The following FGFR1 variants were observed in gnomAD, a reference collection of about 807,000 sequenced individuals.
The protein encoded by FGFR1 is FGFR1/PLAG1 fusion.
In FGFR1, 18 loss-of-function variants were observed where a neutral mutation model predicts 93.7. The observed-to-expected ratio is 0.19, with a 90% CI of 0.13 to 0.28. The LOEUF is 0.28. Among genes scored for constraint, FGFR1 ranks in the 10% least tolerant of loss-of-function variants. The pLI, the probability that FGFR1 is intolerant of heterozygous loss-of-function variation, is 1.00. For synonymous variants in FGFR1, 448 were observed against 429.3 expected (o/e 1.04, Z -0.54); for missense variants, 731 against 1,080.4 (o/e 0.68, Z 4.53).
chr8:38,440,970 T>C (rs2070483366), intron 2 of FGFR1, among the ~76,000 whole-genome samples: 1 of 152,152 alleles, frequency 6.6e-6, no homozygotes, highest in Admixed American at 6.5e-5. Context: ...AAAAAAGATT[T>C]CGGCCTTTTG....
At chr8:38,433,708 G>A (rs989335505) in intron 2 of FGFR1, among the ~76,000 whole-genome samples, 3 of 152,120 alleles carry the variant, frequency 2.0e-5, no homozygotes, top group Admixed American at 1.3e-4. Context: ...AACAGTTACC[G>A]CCTGAATCAC....
At chr8:38,440,551 C>G (rs948674464) in intron 2 of FGFR1, among the ~76,000 whole-genome samples, 1 of 151,042 alleles carries the variant, frequency 6.6e-6, no homozygotes, top group Non-Finnish European at 1.5e-5. Context: ...ACCAGCCCCC[C>G]GACCCAGGGG....
At position 38,457,508 on chromosome 8, in the gene FGFR1, A is replaced by G. The variant is rs2151351888; in HGVS notation, c.-62T>C. On this transcript the variant is annotated 5_prime_UTR_variant, in exon 2 of 18. Coordinates refer to ENST00000447712, the MANE Select transcript of FGFR1 (RefSeq NM_023110.3). ...ACATCTCCATGGATACTCCACAGTG[A>G]GCTCGATCCTCCTTTTCAAACTGAC... 6.2e-7 allele frequency: 1 copy of G among 1,607,926 alleles called. No homozygotes were observed. Among genetic ancestry groups the G allele is most frequent in the South Asian group, 1.1e-5 (1 of 90,262 alleles).
intron 9 of FGFR1, among the ~76,000 whole-genome samples, chr8:38,418,985 G>A (rs373342643): frequency 4.7e-4 from 72 of 152,288 alleles, no homozygotes; most frequent in African/African-American, 1.7e-3. Flanking sequence ...TAAATCTCAC[G>A]AGATCTGATG....
In FGFR1 at chr8:38,417,239, G is replaced by T. The variant is rs568286947; in HGVS notation, c.1663+67C>A. ...CCTAGCTGTGGCTGAGAGAGGCCTT[G>T]GGACTGATACCCCAGCTCAGATCTT... is the stretch of plus-strand genomic sequence containing the variant. On this transcript the variant is annotated intron_variant, in intron 12 of 17. Transcript: ENST00000447712. The T allele has an allele frequency of 3.2e-6, 4 of 1,265,542 alleles. No individual in the cohort carries two copies. In the East Asian group the frequency reaches 6.9e-5, roughly 22 times the overall value. The allele number at this position is 1,265,542 out of a possible 1,614,324, so 78.4% of individuals were successfully genotyped here.
At position 38,428,394 on chromosome 8, in the gene FGFR1, A is replaced by C. The variant is rs1181137021; in HGVS notation, c.400T>G (p.Ser134Ala). The stretch of plus-strand genomic sequence containing the variant: ...TCTGTTTCTTTCTCCTCTGAAGAGG[A>C]GTCATCATCATCATCATCATCCTCC... ...SSEDDDDDDD[S>A]SSEEKETDNT... Residue 134 changes from serine (S) to alanine (A), a missense_variant, in exon 4 of 18, where the codon TCC becomes GCC. Around this residue, in one of 10 missense-constraint regions of FGFR1, gnomAD observed 212 missense variants for 205.8 expected, o/e 1.03. Transcript: ENST00000447712. 16 of 1,613,934 alleles carry C rather than the reference A, an allele frequency of 9.9e-6. No homozygotes were observed. In the East Asian group the frequency reaches 1.6e-4, roughly 16 times the overall value.
At position 38,416,013 on chromosome 8, in the gene FGFR1, C is replaced by T. The variant is rs771720144; in HGVS notation, c.1711G>A (p.Glu571Lys). 12 of 1,613,738 alleles carry T rather than the reference C, an allele frequency of 7.4e-6. No homozygotes were observed. The highest frequency in any genetic ancestry group is 1.0e-5 in the Non-Finnish European group (12 of 1,180,020). Reference protein sequence around the residue: ...VEYASKGNLREYLQARRPPGL... With the variant: ...VEYASKGNLRKYLQARRPPGL... The stretch of plus-strand genomic sequence containing the variant: ...GGGGGCCTCCGGGCCTGCAGGTACT[C>T]CCGCAGGTTGCCCTTGGAGGCATAC... The change falls in exon 13 of 18, where the codon GAG becomes AAG. Residue 571 changes from glutamate to lysine, a missense_variant. Glu to Lys is a moderately conservative substitution (Grantham distance 56). This residue lies in a region of FGFR1 where 62 missense variants were observed against 99.5 expected (regional missense o/e 0.62). Coordinates refer to ENST00000447712, the MANE Select transcript of FGFR1 (RefSeq NM_023110.3).
intron 1 of FGFR1, among the ~76,000 whole-genome samples, chr8:38,459,933 C>A (rs187608366): frequency 6.6e-6 from 1 of 152,092 alleles, no homozygotes; most frequent in Non-Finnish European, 1.5e-5. Flanking sequence ...CCTACAATCC[C>A]GGGACTTTGG....
intron 8 of FGFR1, 84 bp downstream of exon 8, chr8:38,421,713 G>A (rs937450906): frequency 6.9e-7 from 1 of 1,443,510 alleles, no homozygotes; most frequent in Non-Finnish European, 9.8e-7. Context: ...TCCTGCCTCT[G>A]TGTCTCCCCA....
chr8:38,415,766 G>C, intron 13 of FGFR1, 104 bp downstream of exon 13: 1 of 1,135,978 alleles, frequency 8.8e-7, no homozygotes, highest in Non-Finnish European at 1.3e-6. Context: ...CCAGTGCTCA[G>C]TGCATCCACA....
intron 2 of FGFR1, among the ~76,000 whole-genome samples, chr8:38,438,166 T>C (rs1203398637): frequency 6.6e-6 from 1 of 152,316 alleles, no homozygotes; most frequent in East Asian, 1.9e-4. Context: ...TTCTATCCTA[T>C]GGATGCGGAG....
intron 1 of FGFR1, chr8:38,463,512 G>A (rs550506877): frequency 3.6e-5 from 8 of 221,052 alleles, no homozygotes; most frequent in South Asian, 1.8e-4. Flanking sequence ...CTTCAGAACA[G>A]GGTCTGTGCC....
Position 38,428,051 on chromosome 8 carries a change from T to C in FGFR1, c.491A>G (p.Lys164Arg). ...YWTSPEKMEK[K>R]LHAVPAAKTV... ...CTTGGCAGCCGGCACTGCATGCAAT[T>C]TCTTTTCCATCTTTTCTGGGGATGT... Residue 164 changes from lysine (K) to arginine (R), a missense_variant, in exon 5 of 18, where the codon AAA becomes AGA. Lys to Arg is a conservative substitution (Grantham distance 26, BLOSUM62 2). Around this residue, in one of 10 missense-constraint regions of FGFR1, gnomAD observed 109 missense variants for 249.4 expected, o/e 0.44. Coordinates refer to ENST00000447712, the MANE Select transcript of FGFR1 (RefSeq NM_023110.3). 6.2e-7 allele frequency: 1 copy of C among 1,614,274 alleles called. No homozygotes were observed. Among genetic ancestry groups the C allele is most frequent in the South Asian group, 1.1e-5 (1 of 91,090 alleles).
In FGFR1 at chr8:38,419,779, G is replaced by A. The variant is rs191080750; in HGVS notation, c.1082-44C>T. 3,062 of 1,548,912 alleles carry A rather than the reference G, an allele frequency of 2.0e-3. 6 individuals carry two copies. Among genetic ancestry groups the A allele is most frequent in the Non-Finnish European group, 2.2e-3 (2,447 of 1,124,904 alleles). On this transcript the variant is annotated intron_variant, in intron 8 of 17. Coordinates refer to ENST00000447712, the MANE Select transcript of FGFR1 (RefSeq NM_023110.3). ...GGTGTTAGCAGGCTTGGAGGGCCCC[G>A]TCCATGCGAGGTCCCGCTCCATTAG...
intron 2 of FGFR1, chr8:38,435,730 A>G (rs1393880642): frequency 6.6e-6 from 1 of 152,226 alleles, no homozygotes; most frequent in Admixed American, 6.5e-5. Flanking sequence ...CCAACAGGCC[A>G]GGGTGTCGTT....
rs1215875966 is a variant in FGFR1, at chr8:38,413,493, A to C, written c.*135T>G. 2 of 945,432 alleles carry C rather than the reference A, an allele frequency of 2.1e-6. No homozygotes were observed. Among genetic ancestry groups the C allele is most frequent in the African/African-American group, 3.3e-5 (2 of 60,456 alleles). 58.6% of individuals were successfully genotyped at this position (945,432 alleles called of 1,614,324 possible). On this transcript the variant is annotated 3_prime_UTR_variant, in exon 18 of 18. Coordinates refer to ENST00000447712, the MANE Select transcript of FGFR1 (RefSeq NM_023110.3). This position sits in a 1 kb window ranked among gnomAD's most constrained non-coding sequence, Gnocchi z 4.2. ...TGAGTGGGGTGAAGGCAGGCCACAC[A>C]GGAAGGCCCCTGGTAGGCAGCCGGC...
At chr8:38,444,950 G>A (rs1197713486) in intron 2 of FGFR1, among the ~76,000 whole-genome samples, 1 of 152,140 alleles carries the variant, frequency 6.6e-6, no homozygotes, top group Non-Finnish European at 1.5e-5. Flanking sequence ...CAGCCAGAGA[G>A]AGTACCTGAA....
intron 2 of FGFR1, among the ~76,000 whole-genome samples, chr8:38,432,232 C>T (rs185217133): frequency 1.2e-4 from 18 of 152,132 alleles, no homozygotes; most frequent in Admixed American, 9.8e-4. Context: ...AGCTTGGATC[C>T]GTAACTTCCT....
chr8:38,424,839 A>G lies in FGFR1; in HGVS notation c.746-140T>C, dbSNP rs1820160474. 4.9e-6 allele frequency: 4 copies of G among 822,310 alleles called. No homozygotes were observed. Among genetic ancestry groups the G allele is most frequent in the South Asian group, 1.8e-5 (1 of 56,302 alleles). The allele number at this position is 822,310 out of a possible 1,614,324, so 50.9% of individuals were successfully genotyped here. A position where few individuals can be genotyped will look rare whatever the true frequency, so the allele number is the denominator to read the frequency against. On this transcript the variant is annotated intron_variant, in intron 6 of 17. Coordinates refer to ENST00000447712, the MANE Select transcript of FGFR1 (RefSeq NM_023110.3). The surrounding 1 kb of genome is among the most constrained non-coding windows in gnomAD (Gnocchi z 4.3). ...CACTTCTGCTGAGCCCAAGCCTCTC[A>G]AAACAGAGCTGGGGAAAGGGACACC...
Sources: gnomAD v4.1 joint callset for allele counts (sites outside exome capture counted in the v4.1 genomes callset) on GRCh38, gnomAD v4.1.1 for gene constraint, gnomAD v4.1.1 regional missense constraint, Gnocchi (gnomAD v3.1) non-coding constraint, MANE v1.5 for transcripts, NCBI Gene and HGNC (gene_info 2026-07-23, HGNC 2026-07-21) for gene names.